Variants in CHD7 observed in about 807,000 individuals in gnomAD.
CHD7 encodes the protein chromodomain helicase DNA binding protein 7.
A neutral mutation model predicts 307.3 loss-of-function variants in CHD7; 24 were observed. That is an observed-to-expected ratio of 0.08 (90% CI 0.06 to 0.11). The LOEUF (loss-of-function observed/expected upper bound fraction) is 0.11, where lower values mean the gene tolerates loss of function less well. CHD7 is among the 10% of genes least tolerant of loss of function. The pLI is 1.00. For missense variants in CHD7, 3,106 were observed against 3,727.1 expected (o/e 0.83, Z 4.34); for synonymous variants, 1,363 against 1,349.9 (o/e 1.01, Z -0.21).
chr8:60,764,605 C>G (rs1049045825), intron 2 of CHD7, among the ~76,000 whole-genome samples: 11 of 152,178 alleles, frequency 7.2e-5, no homozygotes, highest in African/African-American at 2.7e-4. Flanking sequence ...AGGTAAGAAG[C>G]TCATCCATCT....
intron 1 of CHD7, among the ~76,000 whole-genome samples, chr8:60,726,546 G>A (rs1808167841): frequency 6.6e-6 from 1 of 152,224 alleles, no homozygotes; most frequent in Non-Finnish European, 1.5e-5. Flanking sequence ...CGTCTGCACT[G>A]AGTGCTAATT....
At chr8:60,700,463 A>G (rs1021434767) in intron 1 of CHD7, among the ~76,000 whole-genome samples, 4 of 152,214 alleles carry the variant, frequency 2.6e-5, no homozygotes, top group African/African-American at 4.8e-5. Context: ...AGATAAAGAC[A>G]ATATTAAGCC....
chr8:60,852,201 G>C lies in CHD7; in HGVS notation c.5848G>C (p.Ala1950Pro). 4 of 1,613,734 alleles carry C rather than the reference G, an allele frequency of 2.5e-6. No individual in the cohort carries two copies. Among genetic ancestry groups the C allele is most frequent in the Non-Finnish European group, 3.4e-6 (4 of 1,179,846 alleles). The part of the protein sequence containing the change: ...RRRRPREEVR[A>P]LEAEREAIIS... ...ACGGCGGCCTCGAGAGGAAGTGAGA[G>C]CTCTGGAAGCGGAAAGGGAAGCTAT... The change falls in exon 29 of 38, where the codon GCT (alanine) becomes CCT (proline). Residue 1950 changes from alanine to proline, a missense_variant. Physicochemically the swap from Ala to Pro is conservative, Grantham distance 27 (BLOSUM62 -1). Around this residue, in one of 10 missense-constraint regions of CHD7, gnomAD observed 1,030 missense variants for 1,165.4 expected, o/e 0.88. Transcript: ENST00000423902.
intron 1 of CHD7, among the ~76,000 whole-genome samples, chr8:60,740,361 G>A (rs1460254738): frequency 6.6e-6 from 1 of 152,222 alleles, no homozygotes; most frequent in South Asian, 2.1e-4. Flanking sequence ...AATAGTTGGT[G>A]TCCACAAAGT....
At chr8:60,799,432 C>T (rs1329242837) in intron 4 of CHD7, among the ~76,000 whole-genome samples, 1 of 152,190 alleles carries the variant, frequency 6.6e-6, no homozygotes, top group Non-Finnish European at 1.5e-5. Flanking sequence ...ATTTTAACCA[C>T]TATGGTAAAA....
At chr8:60,780,472 C>T (rs145606024) in intron 2 of CHD7, among the ~76,000 whole-genome samples, 1 of 152,296 alleles carries the variant, frequency 6.6e-6, no homozygotes, top group Non-Finnish European at 1.5e-5. Context: ...GTTGTTTAAA[C>T]CAGAAATGAC....
intron 2 of CHD7, among the ~76,000 whole-genome samples, chr8:60,773,798 G>C (rs767040840): frequency 8.6e-4 from 131 of 152,126 alleles, no homozygotes; most frequent in Non-Finnish European, 3.5e-4. Flanking sequence ...TGATTTTTGA[G>C]AATCATAGTG....
chr8:60,810,820 A>G (rs1812767496), intron 7 of CHD7, among the ~76,000 whole-genome samples: 1 of 152,144 alleles, frequency 6.6e-6, no homozygotes, highest in African/African-American at 2.4e-5. Flanking sequence ...AGGGGTCCCC[A>G]GTCCCCAGGC....
Position 60,742,855 on chromosome 8 carries a change from A to T in CHD7, c.1423A>T (p.Met475Leu), listed in dbSNP as rs773039925. The change falls in exon 2 of 38, where the codon ATG becomes TTG. Residue 475 changes from methionine to leucine, a missense_variant. This residue lies in a region of CHD7 where 998 missense variants were observed against 1,004.5 expected (regional missense o/e 0.99). Coordinates refer to ENST00000423902, the MANE Select transcript of CHD7 (RefSeq NM_017780.4). ...SSAPRELTGHMRPNGCPGVGL... is the reference protein window; with the variant it reads ...SSAPRELTGHLRPNGCPGVGL... ...GGCACCAAGGGAATTGACTGGGCAC[A>T]TGAGGCCAAATGGTTGTCCTGGTGT... The T allele has an allele frequency of 6.8e-6, 11 of 1,612,684 alleles. No homozygotes were observed. Among genetic ancestry groups the T allele is most frequent in the Non-Finnish European group, 9.3e-6 (11 of 1,179,266 alleles).
chr8:60,732,746 T>A (rs1008107086), intron 1 of CHD7, among the ~76,000 whole-genome samples: 6 of 152,220 alleles, frequency 3.9e-5, no homozygotes, highest in Non-Finnish European at 7.3e-5. Flanking sequence ...CAGCAAATTT[T>A]GTAAAATATA....
At chr8:60,781,969 T>C (rs978891991) in intron 3 of CHD7, among the ~76,000 whole-genome samples, 1 of 151,986 alleles carries the variant, frequency 6.6e-6, no homozygotes, top group African/African-American at 2.4e-5. Context: ...CATTCAAGAG[T>C]AGCATGAATT....
chr8:60,726,794 G>C (rs1282771970), intron 1 of CHD7, among the ~76,000 whole-genome samples: 1 of 152,148 alleles, frequency 6.6e-6, no homozygotes, highest in Non-Finnish European at 1.5e-5. Context: ...CGTTGAGCCA[G>C]TTGTAGCCAT....
chr8:60,821,192 C>A (rs1804014811), intron 9 of CHD7, among the ~76,000 whole-genome samples: 2 of 152,152 alleles, frequency 1.3e-5, no homozygotes, highest in African/African-American at 4.8e-5. Context: ...TTGAAATATG[C>A]TAAGATGATT....
intron 8 of CHD7, among the ~76,000 whole-genome samples, chr8:60,817,193 G>A (rs943584853): frequency 2.0e-5 from 3 of 152,154 alleles, no homozygotes; most frequent in Non-Finnish European, 4.4e-5. Context: ...TTCACTTACA[G>A]CCTCAAGTAG....
At chr8:60,747,208 TG>T (rs1172746162) in intron 2 of CHD7, among the ~76,000 whole-genome samples, 1 of 151,922 alleles carries the variant, frequency 6.6e-6, no homozygotes, top group Non-Finnish European at 1.5e-5. Context: ...CCCTAGTAGT[TG>T]GGATTACAGG....
At chr8:60,833,196 C>A (rs1804599692) in intron 15 of CHD7, among the ~76,000 whole-genome samples, 2 of 152,100 alleles carry the variant, frequency 1.3e-5, no homozygotes, top group African/African-American at 4.8e-5. Context: ...AGTAAAGAAG[C>A]CTCAATCAAC....
chr8:60,776,921 A>G (rs1340715163), intron 2 of CHD7, among the ~76,000 whole-genome samples: 2 of 152,212 alleles, frequency 1.3e-5, no homozygotes, highest in Non-Finnish European at 2.9e-5. Flanking sequence ...GATACCAAAT[A>G]GTATGTTTCA....
chr8:60,845,904 A>C (rs553978345), intron 23 of CHD7, among the ~76,000 whole-genome samples: 1 of 152,182 alleles, frequency 6.6e-6, no homozygotes, highest in African/African-American at 2.4e-5. Flanking sequence ...GGCAATCACC[A>C]TTCTACTTTC....
Position 60,862,563 on chromosome 8 carries a change from G to A in CHD7, c.7987G>A (p.Ala2663Thr). The A allele has an allele frequency of 1.3e-6, 2 of 1,573,408 alleles. No homozygotes were observed. Among genetic ancestry groups the A allele is most frequent in the Non-Finnish European group, 1.7e-6 (2 of 1,158,250 alleles). ...RNGKKMGGAM[A>T]PPMKDLPRWL... ...CTCTACCCAGATGGGTGGAGCTATG[G>A]CGCCTCCAATGAAGGATCTACCCAG... The change falls in exon 37 of 38, where the codon GCG (alanine) becomes ACG (threonine). Residue 2663 changes from alanine (A) to threonine (T), a missense_variant. Physicochemically the swap from Ala to Thr is moderately conservative, Grantham distance 58 (BLOSUM62 0). Around this residue, in one of 10 missense-constraint regions of CHD7, gnomAD observed 59 missense variants for 106.2 expected, o/e 0.56. Coordinates refer to ENST00000423902, the MANE Select transcript of CHD7 (RefSeq NM_017780.4).
Sources: allele counts gnomAD v4.1 joint callset (sites outside exome capture counted in the v4.1 genomes callset), GRCh38; gene constraint gnomAD v4.1.1; regional missense constraint gnomAD v4.1.1; transcripts MANE v1.5; gene names NCBI Gene and HGNC (gene_info 2026-07-23, HGNC 2026-07-21).